The following CACNA2D3 variants were observed in gnomAD, a reference collection of about 807,000 sequenced individuals.
CACNA2D3 encodes voltage-dependent calcium channel subunit alpha-2/delta-3.
A neutral mutation model predicts 160.6 loss-of-function variants in CACNA2D3; 60 were observed. The ratio of observed to expected loss-of-function variants is 0.37; its 90% CI spans 0.30 to 0.46. The LOEUF (loss-of-function observed/expected upper bound fraction) is 0.46. Among genes scored for constraint, CACNA2D3 ranks in the 20% least tolerant of loss-of-function variants. The pLI is 1.00. For synonymous variants in CACNA2D3, 558 were observed against 492.9 expected (o/e 1.13, Z -1.75); for missense variants, 1,205 against 1,365.0 (o/e 0.88, Z 1.85).
At chr3:54,450,529 T>C (rs571522052) in intron 4 of CACNA2D3, among the ~76,000 whole-genome samples, 3 of 152,166 alleles carry the variant, frequency 2.0e-5, no homozygotes, top group African/African-American at 7.2e-5. Flanking sequence ...GGATCCCTCA[T>C]GAATAGATTA....
intron 6 of CACNA2D3, among the ~76,000 whole-genome samples, chr3:54,564,318 T>A (rs2106709606): frequency 6.6e-6 from 1 of 152,328 alleles, no homozygotes; most frequent in East Asian, 1.9e-4. Flanking sequence ...GGAGATTAAT[T>A]TACATACAAG....
intron 29 of CACNA2D3, among the ~76,000 whole-genome samples, chr3:54,972,312 G>A (rs1054701058): frequency 2.6e-5 from 4 of 152,152 alleles, no homozygotes; most frequent in South Asian, 2.1e-4. Context: ...GCTGTCATCC[G>A]TTGTCCTCTT....
intron 24 of CACNA2D3, among the ~76,000 whole-genome samples, 197 bp downstream of exon 24, chr3:54,888,249 A>G (rs550398186): frequency 6.6e-6 from 1 of 152,266 alleles, no homozygotes; most frequent in African/African-American, 2.4e-5. Context: ...TTTGACATAT[A>G]ATTTGTTTGA....
chr3:54,933,293 C>A (rs1203544062), intron 27 of CACNA2D3, among the ~76,000 whole-genome samples: 1 of 152,160 alleles, frequency 6.6e-6, no homozygotes, highest in Non-Finnish European at 1.5e-5. Flanking sequence ...ACAAACAACA[C>A]CCAAATCTCA....
In CACNA2D3 at chr3:54,386,770, T is replaced by C; in HGVS notation, c.377T>C (p.Leu126Ser). Residue 126 changes from leucine to serine, a missense_variant, in exon 4 of 38, where the codon TTA (leucine) becomes TCA (serine). Physicochemically the swap from Leu to Ser is moderately radical, Grantham distance 145. Transcript: ENST00000474759. Reference sequence around the variant, plus strand: ...CTGAAACATGAATTTGATGCAGACTTACAGGTAACTGATTATAGTTTGAGT... The same window carrying C: ...CTGAAACATGAATTTGATGCAGACTCACAGGTAACTGATTATAGTTTGAGT... ...AHLKHEFDAD[L>S]QYEYFNAVLI... 1 of 1,595,378 alleles carries C rather than the reference T, an allele frequency of 6.3e-7. No homozygotes were observed.
intron 14 of CACNA2D3, among the ~76,000 whole-genome samples, chr3:54,836,945 A>T (rs912372451): frequency 1.2e-4 from 19 of 152,218 alleles, no homozygotes; most frequent in South Asian, 1.0e-3. Context: ...AGAGTGACTA[A>T]TGACAAATGA....
chr3:55,069,158 G>C (rs929563783), intron 35 of CACNA2D3, among the ~76,000 whole-genome samples: 1 of 151,968 alleles, frequency 6.6e-6, no homozygotes, highest in Admixed American at 6.6e-5. Context: ...CACGAGTTTC[G>C]ATGCTGGATA....
chr3:54,669,728 T>TG lies in CACNA2D3; in HGVS notation c.1167+27491dup, dbSNP rs144895380. Among the ~76,000 whole-genome samples, 1,004 of 152,032 alleles carry TG rather than the reference T, an allele frequency of 6.6e-3. 77 individuals are homozygous for TG. The East Asian group carries it at 0.16, about 24-fold the overall frequency. ...TGATAGAGGAAGTTGGGACAATGAC[T>TG]GGGGCTCTTTAAAAAAAAAAACTTT... On this transcript the variant is annotated intron_variant, in intron 11 of 37. Transcript: ENST00000474759.
At chr3:54,993,861 T>TG (rs1355100554) in intron 31 of CACNA2D3, among the ~76,000 whole-genome samples, 1 of 150,070 alleles carries the variant, frequency 6.7e-6, no homozygotes, top group African/African-American at 2.5e-5. Context: ...TCTCTTTTTT[T>TG]TTTTTTTTTT....
At chr3:54,918,728 G>A in intron 27 of CACNA2D3, 1 of 1,614,120 alleles carries the variant, frequency 6.2e-7, no homozygotes, top group Admixed American at 1.7e-5. Flanking sequence ...TTCTCAGGAG[G>A]CCTCAGGACC....
chr3:54,253,736 G>T (rs116949939), intron 2 of CACNA2D3, among the ~76,000 whole-genome samples: 2,907 of 151,994 alleles, frequency 0.019, 102 homozygotes, highest in Admixed American at 0.084. Flanking sequence ...GTGAAATTGG[G>T]ATAATGTACC....
rs548159862 is a variant in CACNA2D3, at chr3:54,180,006, T to C, written c.204+56412T>C. 1.5e-3 allele frequency among the ~76,000 whole-genome samples: 227 copies of C among 152,278 alleles called. 1 individual carries two copies. Among genetic ancestry groups the C allele is most frequent in the Admixed American group, 3.1e-3 (48 of 15,298 alleles). On this transcript the variant is annotated intron_variant, in intron 2 of 37. Transcript: ENST00000474759. ...CTTGGAATTTCTTAGCCTTAATTTCTGAGAAGGTTTCATTTTTTCTTCCTT... is the reference window on the plus strand; with the variant it reads ...CTTGGAATTTCTTAGCCTTAATTTCCGAGAAGGTTTCATTTTTTCTTCCTT...
intron 20 of CACNA2D3, among the ~76,000 whole-genome samples, chr3:54,880,269 TAAATC>T (rs1255129694): frequency 4.6e-5 from 7 of 152,196 alleles, no homozygotes; most frequent in Non-Finnish European, 1.0e-4. Flanking sequence ...GAATGGATCT[TAAATC>T]AAGCCAGTGA....
intron 11 of CACNA2D3, among the ~76,000 whole-genome samples, chr3:54,714,340 G>A (rs935100182): frequency 1.3e-5 from 2 of 152,178 alleles, no homozygotes; most frequent in African/African-American, 4.8e-5. Context: ...TATGGAGCAC[G>A]TTGTACCTCT....
At chr3:54,938,660 T>C (rs1303760339) in intron 27 of CACNA2D3, among the ~76,000 whole-genome samples, 1 of 151,578 alleles carries the variant, frequency 6.6e-6, no homozygotes, top group African/African-American at 2.4e-5. Context: ...AGACTCAGTG[T>C]CTTCTCCTTG....
chr3:54,645,645 C>T (rs1469470021), intron 11 of CACNA2D3, among the ~76,000 whole-genome samples: 1 of 152,156 alleles, frequency 6.6e-6, no homozygotes, highest in African/African-American at 2.4e-5. Flanking sequence ...TGCTGTTCCC[C>T]AGCCTCCGGG....
At chr3:54,203,776 G>T (rs1056126161) in intron 2 of CACNA2D3, among the ~76,000 whole-genome samples, 1 of 152,068 alleles carries the variant, frequency 6.6e-6, no homozygotes, top group Non-Finnish European at 1.5e-5. Context: ...ATGTCCTCTC[G>T]CTGTCCGGCC....
chr3:54,447,552 A>AGCTTTTGTGGCCTTTTTGTG, intron 4 of CACNA2D3, among the ~76,000 whole-genome samples: 1 of 152,226 alleles, frequency 6.6e-6, no homozygotes, highest in Non-Finnish European at 1.5e-5. Flanking sequence ...GTGGCCTCAG[A>AGCTTTTGTGGCCTTTTTGTG]GCCAGGCAGA....
chr3:54,510,701 C>T lies in CACNA2D3; in HGVS notation c.544+7047C>T, dbSNP rs139193206. On this transcript the variant is annotated intron_variant, in intron 5 of 37. Coordinates refer to ENST00000474759, the MANE Select transcript of CACNA2D3 (RefSeq NM_018398.3). ...GGCTTGTATCCAGTGCTATGAGTAT[C>T]AGCATGGTGGACTAGAAAGGGCATT... Among the ~76,000 whole-genome samples the T allele has an allele frequency of 1.2e-3, 177 of 152,244 alleles. 3 individuals are homozygous for T. Among genetic ancestry groups the T allele is most frequent in the African/African-American group, 4.0e-3 (166 of 41,544 alleles).
Sources: gnomAD v4.1 joint callset for allele counts (sites outside exome capture counted in the v4.1 genomes callset) on GRCh38, gnomAD v4.1.1 for gene constraint, MANE v1.5 for transcripts, NCBI Gene and HGNC (gene_info 2026-07-23, HGNC 2026-07-21) for gene names.